SLC5A3: variants seen among roughly 807,000 people sequenced by gnomAD.
SLC5A3 encodes the protein solute carrier family 5 member 3.
A neutral mutation model predicts 43.2 loss-of-function variants in SLC5A3; 10 were observed. The ratio of observed to expected loss-of-function variants is 0.23; its 90% CI spans 0.14 to 0.39. The LOEUF is 0.39. SLC5A3 is among the 10% of genes least tolerant of loss of function. The probability of loss-of-function intolerance (pLI) is 1.00; values close to 1 mark genes in which losing one functional copy is unlikely to be tolerated. For missense variants in SLC5A3, 608 were observed against 893.4 expected (o/e 0.68, Z 4.07); for synonymous variants, 349 against 322.0 (o/e 1.08, Z -0.90).
At position 34,098,547 on chromosome 21, in the gene SLC5A3, G is replaced by A. The variant is rs1314659520; in HGVS notation, c.*1192G>A. On this transcript the variant is annotated 3_prime_UTR_variant, in exon 2 of 2. Transcript: ENST00000381151. ...TGACTTAGAGCATAAGGATGTTTCA[G>A]TGCAAACTGGCCGTCGGTAACAGAA... is the stretch of plus-strand genomic sequence containing the variant. 1.0e-6 allele frequency: 1 copy of A among 1,000,096 alleles called. No individual in the cohort carries two copies. Among genetic ancestry groups the A allele is most frequent in the Non-Finnish European group, 1.2e-6 (1 of 830,018 alleles). The allele number at this position is 1,000,096 out of a possible 1,614,324, so 62.0% of individuals were successfully genotyped here.
At chr21:34,093,575 G>A in intron 1 of SLC5A3, among the ~76,000 whole-genome samples, 1 of 151,728 alleles carries the variant, frequency 6.6e-6, no homozygotes, top group East Asian at 1.9e-4. Context: ...AAAGGAAAAT[G>A]CCTAGAATCA....
At chr21:34,081,996 A>G (rs1042078159) in intron 1 of SLC5A3, among the ~76,000 whole-genome samples, 3 of 150,914 alleles carry the variant, frequency 2.0e-5, no homozygotes, top group Non-Finnish European at 4.4e-5. Flanking sequence ...TGGTTTTGCC[A>G]GCTTTTTTTT....
At chr21:34,079,502 C>T (rs1473759187) in intron 1 of SLC5A3, among the ~76,000 whole-genome samples, 1 of 151,368 alleles carries the variant, frequency 6.6e-6, no homozygotes, top group Non-Finnish European at 1.5e-5. Context: ...GTGGCACGAT[C>T]TCGGCTCACT....
chr21:34,103,234 G>A lies in SLC5A3; in HGVS notation c.*5879G>A. 1.0e-6 allele frequency: 1 copy of A among 999,140 alleles called. No homozygotes were observed. The highest frequency in any genetic ancestry group is 1.2e-6 in the Non-Finnish European group (1 of 829,754). 61.9% of individuals were successfully genotyped at this position (999,140 alleles called of 1,614,324 possible). A position where few individuals can be genotyped will look rare whatever the true frequency, so the allele number is the denominator to read the frequency against. Reference sequence around the variant, plus strand: ...CCTTCTGGTTACCAGTATTGACTCTGCTAGTTTGCACCTTTCCGTTCTTAA... The same window carrying A: ...CCTTCTGGTTACCAGTATTGACTCTACTAGTTTGCACCTTTCCGTTCTTAA... On this transcript the variant is annotated 3_prime_UTR_variant, in exon 2 of 2. Transcript: ENST00000381151.
At chr21:34,090,801 T>C (rs1234613595) in intron 1 of SLC5A3, among the ~76,000 whole-genome samples, 1 of 152,148 alleles carries the variant, frequency 6.6e-6, no homozygotes, top group Non-Finnish European at 1.5e-5. Flanking sequence ...GATGAAGTTG[T>C]TGCCTGAGAT....
chr21:34,105,310 T>A lies in SLC5A3; in HGVS notation c.*7955T>A, dbSNP rs1979428846. 1 of 999,966 alleles carries A rather than the reference T, an allele frequency of 1.0e-6. No homozygotes were observed. The highest frequency in any genetic ancestry group is 4.7e-5 in the South Asian group (1 of 21,282). The allele number at this position is 999,966 out of a possible 1,614,324, so 61.9% of individuals were successfully genotyped here. A position where few individuals can be genotyped will look rare whatever the true frequency, so the allele number is the denominator to read the frequency against. On this transcript the variant is annotated 3_prime_UTR_variant, in exon 2 of 2. Coordinates refer to ENST00000381151, the MANE Select transcript of SLC5A3 (RefSeq NM_006933.7). ...GTGTTATACTTCTCAGTGCTTTCTTTTTTCTTTTTGATAAGATGGATATCA... is the reference window on the plus strand; with the variant it reads ...GTGTTATACTTCTCAGTGCTTTCTTATTTCTTTTTGATAAGATGGATATCA...
chr21:34,094,458 A>G (rs1436457576), intron 1 of SLC5A3, among the ~76,000 whole-genome samples: 2 of 152,140 alleles, frequency 1.3e-5, no homozygotes, highest in Non-Finnish European at 2.9e-5. Context: ...GATTCATAGT[A>G]TTTTAAGATT....
chr21:34,075,053 C>G (rs1433731698), intron 1 of SLC5A3, among the ~76,000 whole-genome samples: 1 of 152,218 alleles, frequency 6.6e-6, no homozygotes, highest in Non-Finnish European at 1.5e-5. Context: ...GGCCCTCCTC[C>G]TTGCTTACCA....
rs1979306103 is a variant in SLC5A3 at position 34,102,769 on chromosome 21, T to C, written c.*5414T>C. The stretch of plus-strand genomic sequence containing the variant: ...GTGTGGGAACAGTGGTTTTGCTCTA[T>C]ACCACTGAAAAGCACTATAACATAA... On this transcript the variant is annotated 3_prime_UTR_variant, in exon 2 of 2. Coordinates refer to ENST00000381151, the MANE Select transcript of SLC5A3 (RefSeq NM_006933.7). 2 of 999,822 alleles carry C rather than the reference T, an allele frequency of 2.0e-6. No homozygotes were observed. The highest frequency in any genetic ancestry group is 1.7e-5 in the African/African-American group (1 of 57,230). The allele number at this position is 999,822 out of a possible 1,614,324, so 61.9% of individuals were successfully genotyped here. A position where few individuals can be genotyped will look rare whatever the true frequency, so the allele number is the denominator to read the frequency against.
chr21:34,076,994 C>CT (rs370497785), intron 1 of SLC5A3, among the ~76,000 whole-genome samples: 153 of 152,292 alleles, frequency 1.0e-3, no homozygotes, highest in African/African-American at 3.6e-3. Context: ...AGGAAGACCT[C>CT]TGACAATGGA....
intron 1 of SLC5A3, among the ~76,000 whole-genome samples, chr21:34,088,163 T>C (rs1978491835): frequency 2.0e-5 from 3 of 152,220 alleles, no homozygotes; most frequent in Non-Finnish European, 4.4e-5. Flanking sequence ...ACTTAATGTT[T>C]TAAAGTTGTG....
Position 34,103,555 on chromosome 21 carries a change from C to CT in SLC5A3, c.*6201dup, listed in dbSNP as rs1448702317. ...ACAGTTTATATTCCATGATAGAAAG[C>CT]TAAAGTCCATAGAAAGCACAAAATC... On this transcript the variant is annotated 3_prime_UTR_variant, in exon 2 of 2. Transcript: ENST00000381151. 3 of 999,924 alleles carry CT rather than the reference C, an allele frequency of 3.0e-6. No individual in the cohort carries two copies. In the African/African-American group the frequency reaches 5.2e-5, roughly 17 times the overall value. 61.9% of individuals were successfully genotyped at this position (999,924 alleles called of 1,614,324 possible). A position where few individuals can be genotyped will look rare whatever the true frequency, so the allele number is the denominator to read the frequency against.
rs1039299010 is a variant in SLC5A3 at position 34,105,156 on chromosome 21, C to T, written c.*7801C>T. 1.5e-5 allele frequency: 15 copies of T among 999,974 alleles called. No individual in the cohort carries two copies. In the Admixed American group the frequency reaches 2.5e-4, roughly 16 times the overall value. 61.9% of individuals were successfully genotyped at this position (999,974 alleles called of 1,614,324 possible). A position where few individuals can be genotyped will look rare whatever the true frequency, so the allele number is the denominator to read the frequency against. ...GTATGGAATTTGTTCCCTTGCTTTC[C>T]CCCACTGTTACTGCTTCAGTTTATA... On this transcript the variant is annotated 3_prime_UTR_variant, in exon 2 of 2. Coordinates refer to ENST00000381151, the MANE Select transcript of SLC5A3 (RefSeq NM_006933.7).
In SLC5A3 at chr21:34,101,827, A is replaced by C. The variant is rs546915845; in HGVS notation, c.*4472A>C. ...GATTTTCTCACACTTTGTGTTGGCT[A>C]ATAATAAAAGCACTGTTTTATTCTC... On this transcript the variant is annotated 3_prime_UTR_variant, in exon 2 of 2. Transcript: ENST00000381151. 1.0e-6 allele frequency: 1 copy of C among 998,710 alleles called. No homozygotes were observed. Among genetic ancestry groups the C allele is most frequent in the East Asian group, 1.1e-4 (1 of 8,832 alleles). 61.9% of individuals were successfully genotyped at this position (998,710 alleles called of 1,614,324 possible). A position where few individuals can be genotyped will look rare whatever the true frequency, so the allele number is the denominator to read the frequency against.
chr21:34,085,569 C>T (rs1005510264), intron 1 of SLC5A3, among the ~76,000 whole-genome samples: 4 of 150,742 alleles, frequency 2.7e-5, no homozygotes, highest in Admixed American at 2.6e-4. Flanking sequence ...ATCATTTCAC[C>T]TGTAAGTAAT....
chr21:34,086,294 T>C (rs897626368), intron 1 of SLC5A3, among the ~76,000 whole-genome samples: 1 of 152,192 alleles, frequency 6.6e-6, no homozygotes, highest in Non-Finnish European at 1.5e-5. Context: ...GTCTGCATTT[T>C]AGAGAAAAGA....
intron 1 of SLC5A3, among the ~76,000 whole-genome samples, chr21:34,076,997 A>G (rs1989347109): frequency 6.6e-6 from 1 of 152,210 alleles, no homozygotes; most frequent in Admixed American, 6.5e-5. Flanking sequence ...AAGACCTCTG[A>G]CAATGGAAAA....
chr21:34,104,620 G>C lies in SLC5A3; in HGVS notation c.*7265G>C. 1 of 1,000,178 alleles carries C rather than the reference G, an allele frequency of 1.0e-6. No homozygotes were observed. The highest frequency in any genetic ancestry group is 1.7e-5 in the African/African-American group (1 of 57,318). The allele number at this position is 1,000,178 out of a possible 1,614,324, so 62.0% of individuals were successfully genotyped here. A position where few individuals can be genotyped will look rare whatever the true frequency, so the allele number is the denominator to read the frequency against. On this transcript the variant is annotated 3_prime_UTR_variant, in exon 2 of 2. Coordinates refer to ENST00000381151, the MANE Select transcript of SLC5A3 (RefSeq NM_006933.7). ...GTTAACCTGAACACTTTGAGGGAGA[G>C]ATTATTCTTGCCAGCAAAAAGCTAG...
chr21:34,077,057 G>GC (rs929762763), intron 1 of SLC5A3, among the ~76,000 whole-genome samples: 22 of 152,256 alleles, frequency 1.4e-4, no homozygotes, highest in East Asian at 3.9e-4. Context: ...CCTCCACCCT[G>GC]CCCCCCCTGC....
Sources: allele counts gnomAD v4.1 joint callset (sites outside exome capture counted in the v4.1 genomes callset), GRCh38; gene constraint gnomAD v4.1.1; transcripts MANE v1.5; gene names NCBI Gene and HGNC (gene_info 2026-07-23, HGNC 2026-07-21).